ITGA9: variants seen among roughly 807,000 people sequenced by gnomAD.
The protein encoded by ITGA9 is integrin alpha-9.
Under a neutral mutation model 127.8 loss-of-function variants are expected in ITGA9, and 56 were observed. That is an observed-to-expected ratio of 0.44 (90% CI 0.35 to 0.55). ITGA9 has a LOEUF of 0.55. ITGA9 is among the 20% of genes least tolerant of loss of function. ITGA9 has a pLI of 0.00. For synonymous variants in ITGA9, 508 were observed against 514.5 expected, an observed-to-expected ratio of 0.99 and a Z score of 0.17; for missense variants, 1,196 against 1,347.1, an observed-to-expected ratio of 0.89 and a Z score of 1.76.
chr3:37,577,679 A>G (rs1699666812), intron 15 of ITGA9, among the ~76,000 whole-genome samples: 1 of 152,220 alleles, frequency 6.6e-6, no homozygotes, highest in Non-Finnish European at 1.5e-5. Context: ...TCTGTTTTTA[A>G]TTAGGTTGTG....
intron 18 of ITGA9, among the ~76,000 whole-genome samples, chr3:37,701,241 A>G (rs1217820909): frequency 6.6e-6 from 1 of 152,180 alleles, no homozygotes; most frequent in African/African-American, 2.4e-5. Flanking sequence ...GCTTGAAATA[A>G]TCTCTGCTAT....
chr3:37,508,892 T>C (rs561429780), intron 8 of ITGA9, among the ~76,000 whole-genome samples: 5 of 152,212 alleles, frequency 3.3e-5, no homozygotes, highest in Non-Finnish European at 7.3e-5. Context: ...AGATTGTCCG[T>C]AGTTCAGACT....
At chr3:37,546,341 T>C (rs1699326379) in intron 15 of ITGA9, among the ~76,000 whole-genome samples, 1 of 152,212 alleles carries the variant, frequency 6.6e-6, no homozygotes, top group Non-Finnish European at 1.5e-5. Context: ...TTCTTCCTGA[T>C]GCAACCAGAA....
At chr3:37,535,055 C>T (rs1237436569) in intron 14 of ITGA9, among the ~76,000 whole-genome samples, 1 of 152,170 alleles carries the variant, frequency 6.6e-6, no homozygotes, top group African/African-American at 2.4e-5. Context: ...AATTTTGATA[C>T]ACATAAGAAT....
chr3:37,659,566 G>T (rs561209750), intron 17 of ITGA9, among the ~76,000 whole-genome samples: 38 of 151,814 alleles, frequency 2.5e-4, no homozygotes, highest in African/African-American at 9.2e-4. Context: ...GGTTATTTTA[G>T]TTTGCAATTT....
intron 26 of ITGA9, among the ~76,000 whole-genome samples, chr3:37,798,466 A>G (rs1195400933): frequency 2.6e-5 from 4 of 152,188 alleles, no homozygotes; most frequent in African/African-American, 9.6e-5. Flanking sequence ...CATCAGCATC[A>G]TGGGGGAGAT....
chr3:37,499,954 C>T (rs1054355903), intron 5 of ITGA9, among the ~76,000 whole-genome samples: 1 of 152,174 alleles, frequency 6.6e-6, no homozygotes. Context: ...CCCAATGTTC[C>T]GAAGAGCCTT....
chr3:37,764,884 A>G (rs1696762638), intron 23 of ITGA9, among the ~76,000 whole-genome samples: 1 of 152,196 alleles, frequency 6.6e-6, no homozygotes, highest in Non-Finnish European at 1.5e-5. Context: ...CACTTTCTCA[A>G]TAAGTCTTCC....
chr3:37,534,348 T>C (rs1335792297), intron 14 of ITGA9, among the ~76,000 whole-genome samples: 1 of 152,254 alleles, frequency 6.6e-6, no homozygotes, highest in Non-Finnish European at 1.5e-5. Flanking sequence ...GGCCTAGCAT[T>C]GTCAGCATCA....
At chr3:37,670,873 A>G (rs1700630955) in intron 17 of ITGA9, among the ~76,000 whole-genome samples, 1 of 152,224 alleles carries the variant, frequency 6.6e-6, no homozygotes, top group Non-Finnish European at 1.5e-5. Context: ...CTAGAAACAG[A>G]AAAGTTATGG....
intron 17 of ITGA9, among the ~76,000 whole-genome samples, chr3:37,659,510 CTG>C (rs1700512344): frequency 6.6e-6 from 1 of 151,778 alleles, no homozygotes; most frequent in Admixed American, 6.6e-5. Flanking sequence ...AGTTCTCGTG[CTG>C]TGTTTGTCAG....
chr3:37,558,873 C>T (rs1319804540), intron 15 of ITGA9, among the ~76,000 whole-genome samples: 3 of 152,220 alleles, frequency 2.0e-5, no homozygotes, highest in African/African-American at 2.4e-5. Flanking sequence ...CCCTGACCTG[C>T]GATTCCTCTC....
intron 17 of ITGA9, among the ~76,000 whole-genome samples, chr3:37,679,750 G>A (rs1700717477): frequency 6.6e-6 from 1 of 152,146 alleles, no homozygotes; most frequent in African/African-American, 2.4e-5. Flanking sequence ...TATTGAAGAA[G>A]AATCTTTCTG....
intron 18 of ITGA9, among the ~76,000 whole-genome samples, chr3:37,710,332 C>T (rs1028668894): frequency 2.6e-5 from 4 of 152,144 alleles, no homozygotes; most frequent in Non-Finnish European, 5.9e-5. Flanking sequence ...TATTCTGCCT[C>T]ACAATTAAAT....
At chr3:37,617,475 C>T (rs1326555914) in intron 15 of ITGA9, among the ~76,000 whole-genome samples, 2 of 151,992 alleles carry the variant, frequency 1.3e-5, no homozygotes, top group Non-Finnish European at 2.9e-5. Flanking sequence ...ATCTTTGTGG[C>T]ATTCTCTGTA....
intron 15 of ITGA9, among the ~76,000 whole-genome samples, chr3:37,545,034 C>G (rs988993174): frequency 6.6e-6 from 1 of 152,230 alleles, no homozygotes; most frequent in African/African-American, 2.4e-5. Context: ...CCCCGGCTTA[C>G]TGGCTGTGGG....
chr3:37,664,734 A>C (rs1700569265), intron 17 of ITGA9, among the ~76,000 whole-genome samples: 1 of 151,814 alleles, frequency 6.6e-6, no homozygotes, highest in Non-Finnish European at 1.5e-5. Context: ...TGTAGGTTGC[A>C]TTTTCTCTCC....
intron 16 of ITGA9, among the ~76,000 whole-genome samples, chr3:37,631,800 G>A (rs1433233403): frequency 6.6e-6 from 1 of 152,152 alleles, no homozygotes; most frequent in African/African-American, 2.4e-5. Context: ...TTGGTATGAA[G>A]AAGGGTTAGA....
At chr3:37,797,652 CT>C (rs2125559837) in intron 26 of ITGA9, among the ~76,000 whole-genome samples, 1 of 152,220 alleles carries the variant, frequency 6.6e-6, no homozygotes, top group East Asian at 1.9e-4. Flanking sequence ...AAAAAAACAC[CT>C]GTTTACTTTA....
Sources: allele counts gnomAD v4.1 joint callset (sites outside exome capture counted in the v4.1 genomes callset), GRCh38; gene constraint gnomAD v4.1.1; transcripts MANE v1.5; gene names NCBI Gene and HGNC (gene_info 2026-07-23, HGNC 2026-07-21).